Variants in NFIL3 observed in about 807,000 individuals in gnomAD.
NFIL3 encodes the protein nuclear factor, interleukin 3 regulated, also known as nuclear factor interleukin-3-regulated protein.
Under a neutral mutation model 10.0 loss-of-function variants are expected in NFIL3, and 5 were observed. The ratio of observed to expected loss-of-function variants is 0.50; its 90% CI spans 0.26 to 1.06. The LOEUF (loss-of-function observed/expected upper bound fraction) is 1.06, where lower values mean the gene tolerates loss of function less well. Among genes scored for constraint, NFIL3 ranks in the 50% least tolerant of loss-of-function variants. The probability of loss-of-function intolerance (pLI) is 0.13; values close to 1 mark genes in which losing one functional copy is unlikely to be tolerated. For missense variants in NFIL3, 436 were observed against 547.6 expected (o/e 0.80, Z 2.03); for synonymous variants, 202 against 206.5 (o/e 0.98, Z 0.19).
chr9:91,421,582 C>A (rs1833769853), intron 1 of NFIL3, among the ~76,000 whole-genome samples: 1 of 152,168 alleles, frequency 6.6e-6, no homozygotes, highest in African/African-American at 2.4e-5. Flanking sequence ...TCTCGCAGAC[C>A]CCACCGGCCC....
the NFIL3 span, among the ~76,000 whole-genome samples, chr9:91,430,231 A>G: frequency 6.6e-6 from 1 of 152,216 alleles, no homozygotes; most frequent in Non-Finnish European, 1.5e-5. Context: ...TCAGATGAAC[A>G]AGTGAGCATG....
In NFIL3 at chr9:91,410,968, T is replaced by C; in HGVS notation, c.-172-62A>G. 2.0e-6 allele frequency: 1 copy of C among 489,406 alleles called. No homozygotes were observed. The highest frequency in any genetic ancestry group is 3.7e-6 in the Non-Finnish European group (1 of 271,992). The allele number at this position is 489,406 out of a possible 1,614,324, so 30.3% of individuals were successfully genotyped here. ...CTGGATAAATGTTTATTACAAATTATGTACAAGGAAATATGCTAAGCATTT... is the reference window on the plus strand; with the variant it reads ...CTGGATAAATGTTTATTACAAATTACGTACAAGGAAATATGCTAAGCATTT... On this transcript the variant is annotated intron_variant, in intron 1 of 1. Transcript: ENST00000297689. The surrounding 1 kb of genome is among the most constrained non-coding windows in gnomAD (Gnocchi z 5.7).
chr9:91,481,890 T>C, the NFIL3 span, among the ~76,000 whole-genome samples: 3 of 152,114 alleles, frequency 2.0e-5, no homozygotes, highest in African/African-American at 7.2e-5. Context: ...TTACTAACGA[T>C]CAATAAACAT....
At chr9:91,444,241 A>G in the NFIL3 span, among the ~76,000 whole-genome samples, 14 of 151,980 alleles carry the variant, frequency 9.2e-5, no homozygotes, top group African/African-American at 3.4e-4. Context: ...CATTTCATTG[A>G]TCAAATTCTT....
At chr9:91,454,709 G>A in the NFIL3 span, among the ~76,000 whole-genome samples, 2 of 152,132 alleles carry the variant, frequency 1.3e-5, no homozygotes, top group Non-Finnish European at 2.9e-5. Flanking sequence ...GCACGTGCCT[G>A]TAATCCCAGC....
At chr9:91,460,552 C>T in the NFIL3 span, among the ~76,000 whole-genome samples, 11 of 152,062 alleles carry the variant, frequency 7.2e-5, no homozygotes, top group East Asian at 1.9e-4. Context: ...GCTGGGATTA[C>T]GGGTGTGAGC....
chr9:91,441,603 G>A, the NFIL3 span, among the ~76,000 whole-genome samples: 102 of 152,112 alleles, frequency 6.7e-4, no homozygotes, highest in African/African-American at 2.2e-3. Flanking sequence ...CTATCTTTGT[G>A]ATTTGAGGAT....
At chr9:91,420,370 C>G (rs1223712624) in intron 1 of NFIL3, among the ~76,000 whole-genome samples, 1 of 151,796 alleles carries the variant, frequency 6.6e-6, no homozygotes, top group Non-Finnish European at 1.5e-5. Context: ...CACACACACA[C>G]ACACACACAC....
At chr9:91,479,419 A>G in the NFIL3 span, among the ~76,000 whole-genome samples, 1 of 152,008 alleles carries the variant, frequency 6.6e-6, no homozygotes, top group East Asian at 1.9e-4. Context: ...ACCAGTCCGA[A>G]CTTCTTGGTG....
chr9:91,475,454 A>G, the NFIL3 span, among the ~76,000 whole-genome samples: 1 of 152,200 alleles, frequency 6.6e-6, no homozygotes, highest in Non-Finnish European at 1.5e-5. Context: ...AGCTGAAGGT[A>G]CAGAATTCTA....
the NFIL3 span, among the ~76,000 whole-genome samples, chr9:91,438,476 A>G: frequency 2.0e-5 from 3 of 152,076 alleles, no homozygotes; most frequent in Admixed American, 6.5e-5. Flanking sequence ...TTTGTTGATA[A>G]TTTCCTTTGC....
At chr9:91,480,464 T>C in the NFIL3 span, among the ~76,000 whole-genome samples, 2 of 152,130 alleles carry the variant, frequency 1.3e-5, no homozygotes, top group Non-Finnish European at 2.9e-5. Context: ...ACTAAGGGTA[T>C]TGAAACAACT....
the NFIL3 span, among the ~76,000 whole-genome samples, chr9:91,452,659 C>T: frequency 3.3e-5 from 5 of 151,830 alleles, no homozygotes; most frequent in African/African-American, 1.2e-4. Flanking sequence ...TGGTGGCGTA[C>T]ACCTGTAATC....
At chr9:91,442,356 G>T in the NFIL3 span, among the ~76,000 whole-genome samples, 1 of 152,090 alleles carries the variant, frequency 6.6e-6, no homozygotes, top group Non-Finnish European at 1.5e-5. Flanking sequence ...CTTTTCTCTT[G>T]CTACCTTTTA....
At chr9:91,424,983 C>T (rs12683158), upstream of NFIL3, among the ~76,000 whole-genome samples, 8,624 of 152,316 alleles carry the variant, frequency 0.057, 310 homozygotes, top group Middle Eastern at 0.14. Flanking sequence ...TGTCAAGGCA[C>T]GTGGCACACT....
At chr9:91,474,918 T>C in the NFIL3 span, among the ~76,000 whole-genome samples, 5 of 152,284 alleles carry the variant, frequency 3.3e-5, no homozygotes, top group East Asian at 9.7e-4. Flanking sequence ...GTCCTGCCTA[T>C]ATATTAAATG....
chr9:91,476,249 G>T, the NFIL3 span, among the ~76,000 whole-genome samples: 1,012 of 152,282 alleles, frequency 6.6e-3, 10 homozygotes, highest in African/African-American at 0.023. Flanking sequence ...TATGTAAAAT[G>T]ATGCAAAACC....
chr9:91,452,889 C>G, the NFIL3 span, among the ~76,000 whole-genome samples: 2 of 151,422 alleles, frequency 1.3e-5, no homozygotes, highest in African/African-American at 4.9e-5. Context: ...TTAACATTGG[C>G]AAAATAAACT....
chr9:91,442,140 G>A, the NFIL3 span, among the ~76,000 whole-genome samples: 1 of 152,078 alleles, frequency 6.6e-6, no homozygotes, highest in Non-Finnish European at 1.5e-5. Flanking sequence ...GTGGTGATGA[G>A]TTCCCTCAGC....
Sources: gnomAD v4.1 joint callset for allele counts (sites outside exome capture counted in the v4.1 genomes callset) on GRCh38, gnomAD v4.1.1 for gene constraint, Gnocchi (gnomAD v3.1) non-coding constraint, MANE v1.5 for transcripts, NCBI Gene and HGNC (gene_info 2026-07-23, HGNC 2026-07-21) for gene names.